ALG6: variants seen among roughly 807,000 people sequenced by gnomAD.
The protein encoded by ALG6 is ALG6 alpha-1,3-glucosyltransferase, also known as dolichyl pyrophosphate Man9GlcNAc2 alpha-1,3-glucosyltransferase.
Under a neutral mutation model 66.6 loss-of-function variants are expected in ALG6, and 46 were observed. The observed-to-expected ratio is 0.69, with a 90% CI of 0.55 to 0.88. The LOEUF (loss-of-function observed/expected upper bound fraction) is 0.88. Ranked by LOEUF, ALG6 falls within the 40% of genes least tolerant of loss-of-function variation. The pLI is 0.00. For missense variants in ALG6, 505 were observed against 586.8 expected, an observed-to-expected ratio of 0.86 and a Z score of 1.44; for synonymous variants, 185 against 203.7, an observed-to-expected ratio of 0.91 and a Z score of 0.78.
chr1:63,391,689 A>G (rs1648678336), intron 2 of ALG6, among the ~76,000 whole-genome samples: 1 of 152,216 alleles, frequency 6.6e-6, no homozygotes, highest in Admixed American at 6.5e-5. Flanking sequence ...CTTAGTATTA[A>G]TGCATTATTC....
rs1401228240 is a variant in ALG6 at position 63,395,265 on chromosome 1, TTAAAG to T, written c.83-1244_83-1240del. Among the ~76,000 whole-genome samples, 6 of 152,342 alleles carry T rather than the reference TTAAAG, an allele frequency of 3.9e-5. No homozygotes were observed. In the East Asian group the frequency reaches 7.7e-4, roughly 20 times the overall value. On this transcript the variant is annotated intron_variant, in intron 2 of 14. Transcript: ENST00000263440. ...TTATCCCTTATTTGCAATTTTGAAA[TTAAAG>T]TAATCAAACCGTAAAGCAATAGTTT... is the stretch of plus-strand genomic sequence containing the variant.
Position 63,433,158 on chromosome 1 carries a change from G to A in ALG6, c.1327-3665G>A, listed in dbSNP as rs138931778. Among the ~76,000 whole-genome samples the A allele has an allele frequency of 3.4e-3, 523 of 152,194 alleles. 3 individuals carry two copies. The highest frequency in any genetic ancestry group is 0.011 in the African/African-American group (463 of 41,516). Reference sequence around the variant, plus strand: ...GGGTTTCACCATATTGGCCAGGCTGGTCTCGAACTCCTGACCTCGTGATCC... The same window carrying A: ...GGGTTTCACCATATTGGCCAGGCTGATCTCGAACTCCTGACCTCGTGATCC... On this transcript the variant is annotated intron_variant, in intron 14 of 14. Transcript: ENST00000263440. The surrounding 1 kb of genome is among the most constrained non-coding windows in gnomAD (Gnocchi z 4.2).
intron 2 of ALG6, among the ~76,000 whole-genome samples, chr1:63,386,648 TTGG>T (rs778798704): frequency 6.6e-5 from 10 of 152,150 alleles, no homozygotes; most frequent in South Asian, 2.1e-4. Flanking sequence ...TTCTGCAGTA[TTGG>T]TTGTAATGTC....
intron 2 of ALG6, among the ~76,000 whole-genome samples, chr1:63,373,982 TAG>T (rs1457030923): frequency 2.0e-5 from 3 of 152,200 alleles, no homozygotes; most frequent in Admixed American, 6.5e-5. Flanking sequence ...AAAGGATTTA[TAG>T]AAAGAACTTG....
chr1:63,437,594 G>A lies in ALG6; in HGVS notation c.*574G>A, dbSNP rs1469524424. The A allele has an allele frequency of 6.6e-6, 1 of 152,312 alleles. No homozygotes were observed. Among genetic ancestry groups the A allele is most frequent in the Non-Finnish European group, 1.5e-5 (1 of 68,220 alleles). The allele number at this position is 152,312 out of a possible 1,614,324, so 9.4% of individuals were successfully genotyped here. A position where few individuals can be genotyped will look rare whatever the true frequency, so the allele number is the denominator to read the frequency against. Reference sequence around the variant, plus strand: ...TTTAAACTGCTTGAAGTTTGAATATGCCTTATTACACATGCAAATTTGATT... The same window carrying A: ...TTTAAACTGCTTGAAGTTTGAATATACCTTATTACACATGCAAATTTGATT... On this transcript the variant is annotated 3_prime_UTR_variant, in exon 15 of 15. Transcript: ENST00000263440.
At chr1:63,429,530 AG>A (rs1644634611) in intron 14 of ALG6, 1 of 165,730 alleles carries the variant, frequency 6.0e-6, no homozygotes, top group African/African-American at 2.4e-5. Flanking sequence ...AGAGACTAAA[AG>A]TTCAAGATCA....
Position 63,420,896 on chromosome 1 carries a change from G to A in ALG6, c.1058+1456G>A, listed in dbSNP as rs192239160. On this transcript the variant is annotated intron_variant, in intron 12 of 14. Coordinates refer to ENST00000263440, the MANE Select transcript of ALG6 (RefSeq NM_013339.4). ...AAAAAATTAAATAAAAGTTCCTTTT[G>A]ACCTGGTCCCAGCTAATCATATCAT... Among the ~76,000 whole-genome samples, 219 of 151,276 alleles carry A rather than the reference G, an allele frequency of 1.4e-3. 2 individuals are homozygous for A. Among genetic ancestry groups the A allele is most frequent in the African/African-American group, 5.1e-3 (209 of 41,272 alleles).
rs200396808 is a variant in ALG6 at position 63,402,212 on chromosome 1, T to G, written c.168-42T>G. 4.5e-5 allele frequency: 53 copies of G among 1,174,514 alleles called. No homozygotes were observed. In the East Asian group the frequency reaches 1.2e-3, roughly 26 times the overall value. 72.8% of individuals were successfully genotyped at this position (1,174,514 alleles called of 1,614,324 possible). A position where few individuals can be genotyped will look rare whatever the true frequency, so the allele number is the denominator to read the frequency against. On this transcript the variant is annotated intron_variant, in intron 3 of 14. Coordinates refer to ENST00000263440, the MANE Select transcript of ALG6 (RefSeq NM_013339.4). ...AAATTATAAGTCTACTTCTTGAATA[T>G]TGATTAACGGAATGGTGCTTTCTTC...
At position 63,371,222 on chromosome 1, in the gene ALG6, T is replaced by C; in HGVS notation, c.82+163T>C. 8.1e-6 allele frequency: 5 copies of C among 613,906 alleles called. No individual in the cohort carries two copies. The South Asian group carries it at 9.7e-5, about 12-fold the overall frequency. The allele number at this position is 613,906 out of a possible 1,614,324, so 38.0% of individuals were successfully genotyped here. A position where few individuals can be genotyped will look rare whatever the true frequency, so the allele number is the denominator to read the frequency against. ...AAATGTCCAGTTCTAATAGAAAGAA[T>C]ATGGATAACAGCTAAATAGAAGCAT... On this transcript the variant is annotated intron_variant, in intron 2 of 14. Transcript: ENST00000263440.
chr1:63,400,398 A>T (rs1644458729), intron 3 of ALG6, among the ~76,000 whole-genome samples: 1 of 141,046 alleles, frequency 7.1e-6, no homozygotes, highest in South Asian at 2.2e-4. Flanking sequence ...ATAAAGCAGG[A>T]GTATCAACTA....
In ALG6 at chr1:63,433,861, A is replaced by T. The variant is rs1335970309; in HGVS notation, c.1327-2962A>T. Reference sequence around the variant, plus strand: ...GGCATGTCAGAGGGTGATAAGTGCTATGGAGAACAACAAAGCAAGGGAGAA... The same window carrying T: ...GGCATGTCAGAGGGTGATAAGTGCTTTGGAGAACAACAAAGCAAGGGAGAA... On this transcript the variant is annotated intron_variant, in intron 14 of 14. Transcript: ENST00000263440. The surrounding 1 kb of genome is among the most constrained non-coding windows in gnomAD (Gnocchi z 4.2). Among the ~76,000 whole-genome samples, 1 of 152,230 alleles carries T rather than the reference A, an allele frequency of 6.6e-6. No homozygotes were observed. The highest frequency in any genetic ancestry group is 1.5e-5 in the Non-Finnish European group (1 of 68,038).
chr1:63,374,668 G>A (rs1197516805), intron 2 of ALG6, among the ~76,000 whole-genome samples: 2 of 151,718 alleles, frequency 1.3e-5, no homozygotes, highest in Non-Finnish European at 1.5e-5. Flanking sequence ...GAGATAATAT[G>A]TATAAATTAT....
In ALG6 at chr1:63,436,966, C is replaced by CATTATT. The variant is rs1475726598; in HGVS notation, c.1476_1481dup (p.Ile492_Ile493dup). The stretch of plus-strand genomic sequence containing the variant: ...TCCTGTTCTTCTTGGTATACTTTAA[C>CATTATT]ATTATTATTATGTGGGATTCCAAAA... On this transcript the variant is annotated inframe_insertion, in exon 15 of 15. Coordinates refer to ENST00000263440, the MANE Select transcript of ALG6 (RefSeq NM_013339.4). 1 of 1,613,566 alleles carries CATTATT rather than the reference C, an allele frequency of 6.2e-7. No individual in the cohort carries two copies. The highest frequency in any genetic ancestry group is 1.1e-5 in the South Asian group (1 of 91,068).
At chr1:63,373,694 C>G (rs985800933) in intron 2 of ALG6, among the ~76,000 whole-genome samples, 6 of 148,160 alleles carry the variant, frequency 4.0e-5, no homozygotes, top group African/African-American at 1.5e-4. Context: ...AGGGTCTCCC[C>G]CTGTTGCCCA....
chr1:63,397,565 T>TA (rs1553154803), intron 3 of ALG6, among the ~76,000 whole-genome samples: 1 of 151,976 alleles, frequency 6.6e-6, no homozygotes, highest in Non-Finnish European at 1.5e-5. Context: ...TACCCTTCAT[T>TA]GTTATATGAT....
chr1:63,424,781 T>C (rs1644606297), intron 12 of ALG6, among the ~76,000 whole-genome samples: 1 of 147,118 alleles, frequency 6.8e-6, no homozygotes, highest in African/African-American at 2.5e-5. Context: ...TTAATTTTTT[T>C]TTTTTTTTTT....
intron 2 of ALG6, among the ~76,000 whole-genome samples, chr1:63,372,608 A>G (rs1320815273): frequency 1.3e-5 from 2 of 152,110 alleles, no homozygotes; most frequent in Non-Finnish European, 2.9e-5. Flanking sequence ...ATCTGTATAT[A>G]TGTGTGTATA....
At chr1:63,428,308 T>C (rs1644627610) in intron 12 of ALG6, 1 of 156,440 alleles carries the variant, frequency 6.4e-6, no homozygotes, top group Non-Finnish European at 1.4e-5. Flanking sequence ...TGCCATATCT[T>C]TAGTTTTAAC....
intron 2 of ALG6, among the ~76,000 whole-genome samples, chr1:63,392,491 G>C (rs1311755527): frequency 6.6e-6 from 1 of 152,008 alleles, no homozygotes; most frequent in Non-Finnish European, 1.5e-5. Context: ...TTTTATTATG[G>C]AAAATTTTAG....
Sources: allele counts gnomAD v4.1 joint callset (sites outside exome capture counted in the v4.1 genomes callset), GRCh38; gene constraint gnomAD v4.1.1; non-coding constraint Gnocchi (gnomAD v3.1); transcripts MANE v1.5; gene names NCBI Gene and HGNC (gene_info 2026-07-23, HGNC 2026-07-21).